ADAMTSL1: variants seen among roughly 807,000 people sequenced by gnomAD.
The protein encoded by ADAMTSL1 is ADAMTS like 1, also known as ADAMTS-like protein 1.
ADAMTSL1 carries 126 observed loss-of-function variants against 201.8 expected under a neutral mutation model. That is an observed-to-expected ratio of 0.62 (90% CI 0.54 to 0.72). The LOEUF is 0.72. Ranked by LOEUF, ADAMTSL1 falls within the 30% of genes least tolerant of loss-of-function variation. The pLI, the probability that ADAMTSL1 is intolerant of heterozygous loss-of-function variation, is 0.00. For synonymous variants in ADAMTSL1, 1,121 were observed against 903.4 expected (o/e 1.24, Z -4.32); for missense variants, 2,679 against 2,277.8 (o/e 1.18, Z -3.59).
intron 21 of ADAMTSL1, among the ~76,000 whole-genome samples, chr9:18,818,740 T>C (rs1181744203): frequency 6.6e-6 from 1 of 151,954 alleles, no homozygotes; most frequent in African/African-American, 2.4e-5. Flanking sequence ...CAGTGAGCCA[T>C]GGGCATGCCA....
chr9:18,236,941 C>T (rs887668764), intron 2 of ADAMTSL1, among the ~76,000 whole-genome samples: 9 of 152,118 alleles, frequency 5.9e-5, no homozygotes, highest in Admixed American at 1.3e-4. Context: ...TCACATGTTG[C>T]TAAAATTTTC....
intron 1 of ADAMTSL1, among the ~76,000 whole-genome samples, chr9:18,102,135 G>A (rs1824555747): frequency 6.6e-6 from 1 of 152,200 alleles, no homozygotes; most frequent in Non-Finnish European, 1.5e-5. Flanking sequence ...CTCCTTAAAA[G>A]TATGCCATTT....
chr9:18,775,792 G>A lies in ADAMTSL1; in HGVS notation c.2447G>A (p.Arg816Gln), dbSNP rs553601312. 113 of 1,611,992 alleles carry A rather than the reference G, an allele frequency of 7.0e-5. No individual in the cohort carries two copies. Among genetic ancestry groups the A allele is most frequent in the Admixed American group, 1.3e-4 (8 of 59,842 alleles). The change falls in exon 18 of 29, where the codon CGA becomes CAA. Residue 816 changes from arginine to glutamine, a missense_variant. Coordinates refer to ENST00000380548, the MANE Select transcript of ADAMTSL1 (RefSeq NM_001040272.6). ...EGTQTRSAIC[R>Q]KMLKTGLSTV... ...ACCCAGACTCGAAGCGCCATTTGCC[G>A]AAAGATGCTGAAAACCGGCCTCTCA...
intron 13 of ADAMTSL1, 115 bp from the exon 14 acceptor site, chr9:18,706,632 T>C (rs939662854): frequency 2.6e-5 from 27 of 1,048,726 alleles, no homozygotes; most frequent in African/African-American, 6.5e-5. Flanking sequence ...GAGCCCTGAG[T>C]ACCCCTGGGA....
intron 1 of ADAMTSL1, among the ~76,000 whole-genome samples, chr9:18,067,044 G>A (rs995903604): frequency 1.3e-5 from 2 of 152,150 alleles, no homozygotes; most frequent in East Asian, 1.9e-4. Context: ...GCTAAATGAC[G>A]AGTTAATGGG....
intron 1 of ADAMTSL1, among the ~76,000 whole-genome samples, chr9:18,065,819 A>G (rs1368272521): frequency 1.3e-5 from 2 of 151,942 alleles, no homozygotes; most frequent in Non-Finnish European, 2.9e-5. Flanking sequence ...TGTCTCTATT[A>G]AAAATACAAA....
chr9:18,133,255 A>T (rs1037892378), intron 1 of ADAMTSL1, among the ~76,000 whole-genome samples: 1 of 152,104 alleles, frequency 6.6e-6, no homozygotes, highest in African/African-American at 2.4e-5. Flanking sequence ...AGTTAGGCTA[A>T]TAACTCATCT....
intron 1 of ADAMTSL1, among the ~76,000 whole-genome samples, chr9:18,031,464 A>G (rs549029558): frequency 6.6e-6 from 1 of 152,210 alleles, no homozygotes; most frequent in Admixed American, 6.5e-5. Context: ...TGGGTTTTAC[A>G]GGCTTTTGGG....
intron 1 of ADAMTSL1, among the ~76,000 whole-genome samples, chr9:18,077,740 G>A (rs561604552): frequency 6.6e-6 from 1 of 151,890 alleles, no homozygotes; most frequent in East Asian, 2.0e-4. Context: ...GGTCCAAGGA[G>A]GACTTTAAAA....
intron 1 of ADAMTSL1, among the ~76,000 whole-genome samples, chr9:17,979,712 G>T (rs571132642): frequency 6.6e-6 from 1 of 152,102 alleles, no homozygotes; most frequent in African/African-American, 2.4e-5. Context: ...GCTTTTCTGT[G>T]GCTCTGGTGT....
chr9:18,874,722 C>T, intron 23 of ADAMTSL1, among the ~76,000 whole-genome samples: 1 of 151,756 alleles, frequency 6.6e-6, no homozygotes, highest in Non-Finnish European at 1.5e-5. Flanking sequence ...ACCAGCGATA[C>T]TGGTCTGTTT....
chr9:18,340,923 C>T (rs1835441129), intron 2 of ADAMTSL1, among the ~76,000 whole-genome samples: 1 of 152,090 alleles, frequency 6.6e-6, no homozygotes, highest in African/African-American at 2.4e-5. Context: ...ACTTACCTGT[C>T]TCTAAAATCT....
intron 2 of ADAMTSL1, among the ~76,000 whole-genome samples, chr9:18,294,081 A>G (rs781501490): frequency 6.6e-6 from 1 of 152,224 alleles, no homozygotes; most frequent in African/African-American, 2.4e-5. Context: ...TGAGGTTTTC[A>G]TTATAAAACA....
intron 2 of ADAMTSL1, chr9:18,361,966 G>C (rs1836541715): frequency 6.6e-6 from 1 of 152,200 alleles, no homozygotes; most frequent in African/African-American, 2.4e-5. Context: ...CTTGTGCCTA[G>C]AGGGAGCAGT....
chr9:18,223,438 T>C (rs891281691), intron 2 of ADAMTSL1, among the ~76,000 whole-genome samples: 2 of 152,146 alleles, frequency 1.3e-5, no homozygotes, highest in African/African-American at 2.4e-5. Context: ...TTTTTTCATT[T>C]TATTTTCTTT....
intron 12 of ADAMTSL1, among the ~76,000 whole-genome samples, 186 bp downstream of exon 12, chr9:18,682,145 C>A (rs558292432): frequency 6.6e-5 from 10 of 152,288 alleles, no homozygotes; most frequent in African/African-American, 1.9e-4. Flanking sequence ...TGCAAAATTT[C>A]ATTAACCACT....
chr9:18,336,010 C>T (rs1835222065), intron 2 of ADAMTSL1, among the ~76,000 whole-genome samples: 1 of 152,068 alleles, frequency 6.6e-6, no homozygotes, highest in Non-Finnish European at 1.5e-5. Context: ...AATCAAGTCT[C>T]TTTAAGGCAC....
At chr9:18,597,533 T>G (rs890108035) in intron 4 of ADAMTSL1, among the ~76,000 whole-genome samples, 1 of 152,252 alleles carries the variant, frequency 6.6e-6, no homozygotes, top group Non-Finnish European at 1.5e-5. Flanking sequence ...CTTGGCTTTT[T>G]GTTTATTTAA....
intron 1 of ADAMTSL1, among the ~76,000 whole-genome samples, chr9:18,071,271 T>A (rs557287082): frequency 6.6e-6 from 1 of 152,172 alleles, no homozygotes; most frequent in African/African-American, 2.4e-5. Flanking sequence ...TTCAAAAAAA[T>A]TAAAGGTTTG....
Sources: gnomAD v4.1 joint callset for allele counts (sites outside exome capture counted in the v4.1 genomes callset) on GRCh38, gnomAD v4.1.1 for gene constraint, MANE v1.5 for transcripts, NCBI Gene and HGNC (gene_info 2026-07-23, HGNC 2026-07-21) for gene names.